The following EFCAB12 variants were observed in gnomAD, a reference collection of about 807,000 sequenced individuals.
EFCAB12 encodes EF-hand calcium binding domain 12.
In EFCAB12, 43 loss-of-function variants were observed where a neutral mutation model predicts 53.6. That is an observed-to-expected ratio of 0.80 (90% CI 0.63 to 1.03). EFCAB12 has a LOEUF of 1.03. Ranked by LOEUF, EFCAB12 falls within the 50% of genes least tolerant of loss-of-function variation. The probability of loss-of-function intolerance (pLI) is 0.00; values close to 1 mark genes in which losing one functional copy is unlikely to be tolerated. For missense variants in EFCAB12, 646 were observed against 730.6 expected, an observed-to-expected ratio of 0.88 and a Z score of 1.34; for synonymous variants, 269 against 289.2, an observed-to-expected ratio of 0.93 and a Z score of 0.71.
chr3:129,408,879 G>T, intron 5 of EFCAB12, 21 bp from the exon 6 acceptor site: 1 of 1,554,520 alleles, frequency 6.4e-7, no homozygotes. Context: ...AGCAGAAAGG[G>T]GCTCGCCCTT....
intron 7 of EFCAB12, chr3:129,403,593 C>T (rs903812891): frequency 6.6e-6 from 1 of 152,390 alleles, no homozygotes; most frequent in South Asian, 2.1e-4. Flanking sequence ...GCTGGGCTCT[C>T]CTCCTCCCAT....
chr3:129,410,747 G>A (rs1472109861), intron 5 of EFCAB12, among the ~76,000 whole-genome samples: 1 of 152,182 alleles, frequency 6.6e-6, no homozygotes, highest in African/African-American at 2.4e-5. Context: ...CTGGCACATG[G>A]TAGGCTCTCA....
intron 1 of EFCAB12, among the ~76,000 whole-genome samples, chr3:129,426,195 G>T (rs2107743878): frequency 6.6e-6 from 1 of 152,012 alleles, no homozygotes; most frequent in South Asian, 2.1e-4. Context: ...TATACCCAGG[G>T]TCTCTTCTCT....
At chr3:129,421,859 C>T (rs2072193998) in intron 1 of EFCAB12, 56 bp from the exon 2 acceptor site, 2 of 1,500,530 alleles carry the variant, frequency 1.3e-6, no homozygotes, top group Non-Finnish European at 1.8e-6. Flanking sequence ...CTGAAAGGAG[C>T]CAGGAAGGAA....
intron 6 of EFCAB12, among the ~76,000 whole-genome samples, chr3:129,404,967 C>G (rs1258886956): frequency 6.6e-6 from 1 of 152,182 alleles, no homozygotes; most frequent in East Asian, 1.9e-4. Flanking sequence ...CATGCACCAC[C>G]ATGCCTGGCT....
In EFCAB12 at chr3:129,421,420, C is replaced by T. The variant is rs776556788; in HGVS notation, c.433G>A (p.Glu145Lys). The change falls in exon 2 of 9, where the codon GAG (glutamate) becomes AAG (lysine). Residue 145 changes from glutamate (E) to lysine (K), a missense_variant. Coordinates refer to ENST00000505956, the MANE Select transcript of EFCAB12 (RefSeq NM_207307.3). ...GCATTTGGCTGGGCACTCTGCTCCT[C>T]GTGGATCATGTGTAAGACCTTGGCC... ...SEAKVLHMIHEEQSAQPNASQ... is the reference protein window; with the variant it reads ...SEAKVLHMIHKEQSAQPNASQ... 10 of 1,613,514 alleles carry T rather than the reference C, an allele frequency of 6.2e-6. No homozygotes were observed. The highest frequency in any genetic ancestry group is 1.6e-4 in the Middle Eastern group (1 of 6,082).
intron 1 of EFCAB12, 123 bp downstream of exon 1, chr3:129,428,317 T>C (rs1219604657): frequency 2.2e-6 from 3 of 1,358,044 alleles, no homozygotes; most frequent in African/African-American, 1.4e-5. Flanking sequence ...CCCGACTCCA[T>C]GGCAACCCTT....
chr3:129,406,730 T>G (rs887512904), intron 6 of EFCAB12, among the ~76,000 whole-genome samples: 1 of 152,186 alleles, frequency 6.6e-6, no homozygotes, highest in Non-Finnish European at 1.5e-5. Context: ...CTCGAACTCC[T>G]GGGTTCAAGC....
chr3:129,426,364 T>TG (rs1163318118), intron 1 of EFCAB12, among the ~76,000 whole-genome samples: 21 of 131,702 alleles, frequency 1.6e-4, no homozygotes, highest in African/African-American at 3.8e-4. Context: ...TTTTTGTTTT[T>TG]TTTTTTTTTT....
chr3:129,421,287 T>G, intron 2 of EFCAB12, 80 bp downstream of exon 2: 1 of 1,431,104 alleles, frequency 7.0e-7, no homozygotes, highest in Admixed American at 2.6e-5. Context: ...ACTATCCCTA[T>G]CCAGCCTAAC....
At chr3:129,409,208 G>A (rs947555749) in intron 5 of EFCAB12, among the ~76,000 whole-genome samples, 3 of 152,232 alleles carry the variant, frequency 2.0e-5, no homozygotes, top group African/African-American at 7.2e-5. Context: ...CCAGCACTTC[G>A]GGAGGCCGAG....
chr3:129,401,904 G>A, intron 8 of EFCAB12, 53 bp from the exon 9 acceptor site: 3 of 1,576,082 alleles, frequency 1.9e-6, no homozygotes, highest in Non-Finnish European at 2.6e-6. Context: ...GGCCAGAGCT[G>A]AGGCTTCATC....
intron 4 of EFCAB12, chr3:129,412,467 T>TAGAC (rs1477809066): frequency 1.8e-4 from 26 of 145,112 alleles, no homozygotes; most frequent in East Asian, 1.3e-3. Flanking sequence ...GATAGATAGA[T>TAGAC]AGATAGATAG....
In EFCAB12 at chr3:129,401,561, G is replaced by A. The variant is rs1258142278; in HGVS notation, c.*32C>T. 4.0e-6 allele frequency: 6 copies of A among 1,489,864 alleles called. No individual in the cohort carries two copies. Among genetic ancestry groups the A allele is most frequent in the Non-Finnish European group, 4.5e-6 (5 of 1,111,624 alleles). The allele number at this position is 1,489,864 out of a possible 1,614,324, so 92.3% of individuals were successfully genotyped here. On this transcript the variant is annotated 3_prime_UTR_variant, in exon 9 of 9. Coordinates refer to ENST00000505956, the MANE Select transcript of EFCAB12 (RefSeq NM_207307.3). ...GCTGGCTGCACTGGCCCCTGGCCCA[G>A]GAAGGCTGGGTCCGGCAACACCTGG...
At chr3:129,401,962 AGC>A in intron 8 of EFCAB12, 111 bp from the exon 9 acceptor site, 1 of 1,390,122 alleles carries the variant, frequency 7.2e-7, no homozygotes, top group Admixed American at 2.4e-5. Flanking sequence ...CACTGTGCCA[AGC>A]ACTTCAGCAC....
chr3:129,411,930 CA>C, intron 4 of EFCAB12: 1 of 131,686 alleles, frequency 7.6e-6, no homozygotes, highest in Non-Finnish European at 1.5e-5. Flanking sequence ...GACTCCCTCT[CA>C]AAAACAAACA....
At chr3:129,401,881 G>A in intron 8 of EFCAB12, 30 bp from the exon 9 acceptor site, 2 of 1,601,912 alleles carry the variant, frequency 1.2e-6, no homozygotes, top group South Asian at 1.1e-5. Context: ...AGGGATGGTT[G>A]TCATGGCAGA....
intron 5 of EFCAB12, among the ~76,000 whole-genome samples, chr3:129,410,010 A>T (rs1008467015): frequency 1.7e-4 from 25 of 151,326 alleles, no homozygotes; most frequent in East Asian, 9.8e-4. Flanking sequence ...GTGTTTATTT[A>T]TTTATTTTTT....
At chr3:129,424,254 T>G (rs1227650742) in intron 1 of EFCAB12, among the ~76,000 whole-genome samples, 1 of 152,170 alleles carries the variant, frequency 6.6e-6, no homozygotes, top group Non-Finnish European at 1.5e-5. Context: ...ATAAGAAAAG[T>G]AAACATCATG....
Sources: allele counts gnomAD v4.1 joint callset (sites outside exome capture counted in the v4.1 genomes callset), GRCh38; gene constraint gnomAD v4.1.1; transcripts MANE v1.5; gene names NCBI Gene and HGNC (gene_info 2026-07-23, HGNC 2026-07-21).